The following COPS7A variants were observed in gnomAD, a reference collection of about 807,000 sequenced individuals.
COPS7A encodes the protein COP9 signalosome complex subunit 7a.
In COPS7A, 20 loss-of-function variants were observed where a neutral mutation model predicts 35.2. That is an observed-to-expected ratio of 0.57 (90% CI 0.40 to 0.83). COPS7A has a LOEUF of 0.83. Among genes scored for constraint, COPS7A ranks in the 40% least tolerant of loss-of-function variants. The pLI is 0.00. For synonymous variants in COPS7A, 139 were observed against 141.4 expected (o/e 0.98, Z 0.12); for missense variants, 247 against 347.5 (o/e 0.71, Z 2.30).
intron 3 of COPS7A, 46 bp from the exon 4 acceptor site, chr12:6,728,177 A>G (rs1395959520): frequency 1.3e-5 from 20 of 1,588,428 alleles, no homozygotes; most frequent in Non-Finnish European, 1.7e-5. Flanking sequence ...AGGGCTTCCC[A>G]GAAAACTGAA....
At chr12:6,728,966 A>T in intron 4 of COPS7A, 1 of 450,060 alleles carries the variant, frequency 2.2e-6, no homozygotes, top group Non-Finnish European at 4.1e-6. Flanking sequence ...AAGGAGTGAC[A>T]CCCAGGCAGA....
At chr12:6,724,530 C>A in intron 1 of COPS7A, 84 bp from the exon 2 acceptor site, 1 of 1,153,494 alleles carries the variant, frequency 8.7e-7, no homozygotes, top group East Asian at 2.4e-5. Context: ...GACTTAGTGC[C>A]TTTACAATCC....
Position 6,731,797 on chromosome 12 carries a change from A to G in COPS7A, c.*758A>G, listed in dbSNP as rs1027662631. 2.0e-5 allele frequency: 3 copies of G among 152,458 alleles called. No homozygotes were observed. Among genetic ancestry groups the G allele is most frequent in the Non-Finnish European group, 2.9e-5 (2 of 68,024 alleles). 9.4% of individuals were successfully genotyped at this position (152,458 alleles called of 1,614,324 possible). A position where few individuals can be genotyped will look rare whatever the true frequency, so the allele number is the denominator to read the frequency against. ...GTATATAGATTGTATTAAAAAAAAA[A>G]AGGTATATATGCATATATCTATATA... On this transcript the variant is annotated 3_prime_UTR_variant, in exon 8 of 8. Transcript: ENST00000543155.
Position 6,730,710 on chromosome 12 carries a change from A to G in COPS7A, c.678A>G (p.Ala226=). ...LKKTIKVTTA[A]AAAATSQDPE... The stretch of plus-strand genomic sequence containing the variant: ...AAACCATTAAAGTTACGACGGCAGC[A>G]GCAGCCGCAGCCACATCTCAGGACC... The change falls in exon 7 of 8, where the codon GCA becomes GCG. Residue 226 remains alanine (A), a synonymous_variant. Coordinates refer to ENST00000543155, the MANE Select transcript of COPS7A (RefSeq NM_001164094.2). 6.2e-7 allele frequency: 1 copy of G among 1,613,918 alleles called. No homozygotes were observed. The highest frequency in any genetic ancestry group is 1.1e-5 in the South Asian group (1 of 91,088).
At chr12:6,726,276 A>G (rs1257350304) in intron 2 of COPS7A, among the ~76,000 whole-genome samples, 1 of 151,078 alleles carries the variant, frequency 6.6e-6, no homozygotes, top group Admixed American at 6.6e-5. Context: ...CGACAGAGCG[A>G]GACTCCATCT....
intron 1 of COPS7A, 43 bp downstream of exon 1, chr12:6,724,222 T>G: frequency 7.7e-6 from 2 of 260,234 alleles, no homozygotes; most frequent in Non-Finnish European, 7.8e-6. Context: ...CGCTGGGCGG[T>G]GTCTTTAAGG....
At position 6,730,746 on chromosome 12, in the gene COPS7A, C is replaced by T. The variant is rs752457696; in HGVS notation, c.714C>T (p.His238=). 8.1e-6 allele frequency: 13 copies of T among 1,614,076 alleles called. No individual in the cohort carries two copies. Among genetic ancestry groups the T allele is most frequent in the Non-Finnish European group, 1.0e-5 (12 of 1,180,038 alleles). ...CCACATCTCAGGACCCTGAGCAACA[C>T]CTGACTGAGCTGAGGGAACCAGCTC... The part of the protein sequence containing the change: ...AAATSQDPEQ[H]LTELREPAPG... The change falls in exon 7 of 8, where the codon CAC becomes CAT. Residue 238 remains histidine, a synonymous_variant. Coordinates refer to ENST00000543155, the MANE Select transcript of COPS7A (RefSeq NM_001164094.2).
chr12:6,730,293 G>A (rs1413043117), intron 5 of COPS7A, 109 bp from the exon 6 acceptor site: 1 of 970,158 alleles, frequency 1.0e-6, no homozygotes, highest in Non-Finnish European at 1.6e-6. Flanking sequence ...CAGGGATTAT[G>A]GGGGTGAGCT....
chr12:6,727,889 A>G, intron 2 of COPS7A, 37 bp from the exon 3 acceptor site: 3 of 1,605,044 alleles, frequency 1.9e-6, no homozygotes, highest in Non-Finnish European at 2.6e-6. Flanking sequence ...TGGAGAGGGA[A>G]GACTTCCCGT....
Position 6,728,306 on chromosome 12 carries a change from G to A in COPS7A, c.322G>A (p.Val108Ile), listed in dbSNP as rs758306221. Residue 108 changes from valine (V) to isoleucine (I), a missense_variant, in exon 4 of 8, where the codon GTA (valine) becomes ATA (isoleucine). Transcript: ENST00000543155. ...HLSVVTLAAK[V>I]KCIPYAVLLE... ...CTCAGTTGTCACCCTGGCTGCTAAA[G>A]TAAAGGTGAGTGGCAGTCCCCCAGT... 2.5e-6 allele frequency: 4 copies of A among 1,613,622 alleles called. No individual in the cohort carries two copies. The highest frequency in any genetic ancestry group is 3.4e-6 in the Non-Finnish European group (4 of 1,179,644).
intron 2 of COPS7A, chr12:6,727,683 A>G (rs1476564519): frequency 1.6e-6 from 1 of 644,104 alleles, no homozygotes; most frequent in Admixed American, 2.1e-5. Flanking sequence ...TAGGAATTGG[A>G]TGACGTATGG....
rs555988220 is a variant in COPS7A at position 6,724,127 on chromosome 12, G to A, written c.-96G>A. ...AGGTGACGGAGCGGCGGCCCCGCCC[G>A]GTGCGCTGGAGGTCGAAGCTTCCAG... On this transcript the variant is annotated 5_prime_UTR_variant, in exon 1 of 8. Transcript: ENST00000543155. 3.7e-3 allele frequency: 884 copies of A among 241,848 alleles called. 7 individuals are homozygous for A. The highest frequency in any genetic ancestry group is 0.019 in the African/African-American group (812 of 42,394). 15.0% of individuals were successfully genotyped at this position (241,848 alleles called of 1,614,324 possible).
At position 6,724,910 on chromosome 12, in the gene COPS7A, A is replaced by G. The variant is rs1023942973; in HGVS notation, c.162+92A>G. 3 of 1,356,740 alleles carry G rather than the reference A, an allele frequency of 2.2e-6. No homozygotes were observed. In the East Asian group the frequency reaches 7.0e-5, roughly 31 times the overall value. The allele number at this position is 1,356,740 out of a possible 1,614,324, so 84.0% of individuals were successfully genotyped here. ...GCAGGGCTCATTTTGTGATCCAATA[A>G]CCATTCAGTTGAACAAGAAAACAGT... On this transcript the variant is annotated intron_variant, in intron 2 of 7. Coordinates refer to ENST00000543155, the MANE Select transcript of COPS7A (RefSeq NM_001164094.2).
Position 6,724,812 on chromosome 12 carries a change from T to TA in COPS7A, c.157dup (p.Arg53LysfsTer5). On this transcript the variant is annotated frameshift_variant, in exon 2 of 8. Coordinates refer to ENST00000543155, the MANE Select transcript of COPS7A (RefSeq NM_001164094.2). LOFTEE classifies it high-confidence loss of function. ...GAGAACTGCTGGACATGCCCAATGT[T>TA]AGAGAGGTGGGTTGCTGGCTTGAAT... The TA allele has an allele frequency of 6.2e-7, 1 of 1,614,102 alleles. No homozygotes were observed. Among genetic ancestry groups the TA allele is most frequent in the Non-Finnish European group, 8.5e-7 (1 of 1,180,002 alleles).
At chr12:6,730,917 G>T in intron 7 of COPS7A, 83 bp from the exon 8 acceptor site, 1 of 1,588,192 alleles carries the variant, frequency 6.3e-7, no homozygotes, top group Non-Finnish European at 8.6e-7. Context: ...TTGCATGGGA[G>T]TAGGGAGTGG....
rs777322286 is a variant in COPS7A at position 6,730,793 on chromosome 12, C to T, written c.761C>T (p.Pro254Leu). 33 of 1,614,046 alleles carry T rather than the reference C, an allele frequency of 2.0e-5. No homozygotes were observed. Among genetic ancestry groups the T allele is most frequent in the Non-Finnish European group, 2.8e-5 (33 of 1,180,034 alleles). Reference protein sequence around the residue: ...EPAPGTNQRQPSKKASKGKGL... With the variant: ...EPAPGTNQRQLSKKASKGKGL... ...GCTCCTGGCACCAACCAGCGCCAGC[C>T]CAGCAAGAAAGCCTCAAAGGGCAAG... Residue 254 changes from proline (P) to leucine (L), a missense_variant, in exon 7 of 8, where the codon CCC becomes CTC. Pro to Leu is a moderately conservative substitution (Grantham distance 98). Transcript: ENST00000543155.
intron 5 of COPS7A, 109 bp from the exon 6 acceptor site, chr12:6,730,292 TG>T: frequency 2.1e-6 from 2 of 966,190 alleles, no homozygotes; most frequent in Non-Finnish European, 3.3e-6. Context: ...GCAGGGATTA[TG>T]GGGGTGAGCT....
chr12:6,729,203 A>C lies in COPS7A; in HGVS notation c.328-44A>C. ...GGAAGATTTTTGGAAGCCCTTCTCT[A>C]CTACGGAGCGTCACAAATCCTGGCC... On this transcript the variant is annotated intron_variant, in intron 4 of 7. Transcript: ENST00000543155. The surrounding 1 kb of genome is among the most constrained non-coding windows in gnomAD (Gnocchi z 4.2). 6.2e-7 allele frequency: 1 copy of C among 1,606,056 alleles called. No individual in the cohort carries two copies. Among genetic ancestry groups the C allele is most frequent in the Admixed American group, 1.7e-5 (1 of 59,970 alleles).
Position 6,730,417 on chromosome 12 carries a change from G to A in COPS7A, c.546G>A (p.Glu182=), listed in dbSNP as rs543251197. 4 of 1,614,060 alleles carry A rather than the reference G, an allele frequency of 2.5e-6. No homozygotes were observed. Among genetic ancestry groups the A allele is most frequent in the Non-Finnish European group, 3.4e-6 (4 of 1,179,982 alleles). Residue 182 remains glutamate, a synonymous_variant, in exon 6 of 8, where the codon GAG becomes GAA. Coordinates refer to ENST00000543155, the MANE Select transcript of COPS7A (RefSeq NM_001164094.2). ...ACTCCTGCAGGTGTGTGGGCTGTGAGGTCGTGCTGTCAGGCATTGAGGAGC... is the reference window on the plus strand; with the variant it reads ...ACTCCTGCAGGTGTGTGGGCTGTGAAGTCGTGCTGTCAGGCATTGAGGAGC... The part of the protein sequence containing the change: ...RTLQEWCVGC[E]VVLSGIEEQV...
Sources: allele counts gnomAD v4.1 joint callset (sites outside exome capture counted in the v4.1 genomes callset), GRCh38; gene constraint gnomAD v4.1.1; non-coding constraint Gnocchi (gnomAD v3.1); transcripts MANE v1.5; gene names NCBI Gene and HGNC (gene_info 2026-07-23, HGNC 2026-07-21).